Variants in CREB5 observed in about 807,000 individuals in gnomAD.
CREB5 encodes the protein cAMP responsive element binding protein 5, also known as cyclic AMP-responsive element-binding protein 5.
CREB5 carries 19 observed loss-of-function variants against 57.1 expected under a neutral mutation model. That is an observed-to-expected ratio of 0.33 (90% CI 0.23 to 0.49). The LOEUF is 0.49. Ranked by LOEUF, CREB5 falls within the 20% of genes least tolerant of loss-of-function variation. CREB5 has a pLI of 0.99. For missense variants in CREB5, 579 were observed against 671.6 expected (o/e 0.86, Z 1.52); for synonymous variants, 238 against 238.3 (o/e 1.00, Z 0.01).
intron 1 of CREB5, among the ~76,000 whole-genome samples, chr7:28,354,162 G>A (rs959930375): frequency 2.6e-5 from 4 of 152,144 alleles, no homozygotes; most frequent in East Asian, 1.9e-4. Context: ...GAAGGAAGGC[G>A]TGATGGTTAA....
At chr7:28,552,166 A>G (rs216733) in intron 4 of CREB5, among the ~76,000 whole-genome samples, 148,731 of 152,198 alleles carry the variant, frequency 0.98, 72,687 homozygotes, top group East Asian at 1. Flanking sequence ...TCAGCCTCCC[A>G]AGTTGGGATT....
intron 5 of CREB5, among the ~76,000 whole-genome samples, chr7:28,629,530 A>C (rs922618944): frequency 2.0e-5 from 3 of 152,218 alleles, no homozygotes; most frequent in African/African-American, 7.2e-5. Flanking sequence ...TTTGCTTTAA[A>C]AGATAGCAGG....
chr7:28,735,972 T>A (rs1342372597), intron 7 of CREB5, among the ~76,000 whole-genome samples: 1 of 151,770 alleles, frequency 6.6e-6, no homozygotes, highest in Middle Eastern at 3.2e-3. Flanking sequence ...GCCCAGCTAT[T>A]TTTAAATTTT....
intron 1 of CREB5, among the ~76,000 whole-genome samples, chr7:28,458,683 C>T (rs56904099): frequency 7.2e-5 from 11 of 152,342 alleles, no homozygotes; most frequent in African/African-American, 2.6e-4. Context: ...CCATCACACA[C>T]TGATTGTGTG....
chr7:28,790,935 G>T (rs1172562387), intron 7 of CREB5, among the ~76,000 whole-genome samples: 4 of 152,186 alleles, frequency 2.6e-5, no homozygotes, highest in Admixed American at 2.6e-4. Flanking sequence ...CATTTTGTTA[G>T]CCTCTGGTTA....
intron 3 of CREB5, among the ~76,000 whole-genome samples, chr7:28,505,994 G>A (rs1253471814): frequency 1.3e-5 from 2 of 152,100 alleles, no homozygotes; most frequent in Admixed American, 1.3e-4. Context: ...CCGAATTTAC[G>A]AACAGCTGTG....
At chr7:28,472,843 G>A (rs1293978943) in intron 1 of CREB5, among the ~76,000 whole-genome samples, 1 of 152,124 alleles carries the variant, frequency 6.6e-6, no homozygotes, top group African/African-American at 2.4e-5. Flanking sequence ...TTGATTTGAG[G>A]CTTGCCTGCT....
intron 4 of CREB5, among the ~76,000 whole-genome samples, chr7:28,560,871 T>TGCGTGTGTGCGCGTGTGC (rs1795123193): frequency 2.6e-5 from 1 of 38,006 alleles, no homozygotes; most frequent in Non-Finnish European, 5.0e-5. Flanking sequence ...TGTGCCTGCG[T>TGCGTGTGTGCGCGTGTGC]GCGCGTGCGT....
At chr7:28,383,714 A>G (rs866715145) in intron 1 of CREB5, among the ~76,000 whole-genome samples, 1 of 152,092 alleles carries the variant, frequency 6.6e-6, no homozygotes, top group Non-Finnish European at 1.5e-5. Context: ...CCATGACCCA[A>G]TCGCCTCCCA....
chr7:28,468,822 A>G (rs536410811), intron 1 of CREB5, among the ~76,000 whole-genome samples: 2 of 152,344 alleles, frequency 1.3e-5, no homozygotes, highest in Non-Finnish European at 2.9e-5. Context: ...GGTAGTTGTC[A>G]TTATTCTTCT....
At chr7:28,447,939 T>C (rs1789570517) in intron 1 of CREB5, among the ~76,000 whole-genome samples, 1 of 152,242 alleles carries the variant, frequency 6.6e-6, no homozygotes, top group Non-Finnish European at 1.5e-5. Context: ...GTGTATGTGA[T>C]AGTTAATACT....
intron 7 of CREB5, among the ~76,000 whole-genome samples, chr7:28,767,247 GT>G (rs886978598): frequency 2.0e-5 from 3 of 152,082 alleles, no homozygotes; most frequent in African/African-American, 7.2e-5. Flanking sequence ...ATTTATTTTT[GT>G]TTTTTATTTT....
At chr7:28,371,597 C>T (rs958882200) in intron 1 of CREB5, among the ~76,000 whole-genome samples, 1 of 152,156 alleles carries the variant, frequency 6.6e-6, no homozygotes, top group Non-Finnish European at 1.5e-5. Context: ...GGCAGCACCA[C>T]CATGGCCCCA....
At chr7:28,616,375 C>G (rs1042325842) in intron 5 of CREB5, among the ~76,000 whole-genome samples, 2 of 152,122 alleles carry the variant, frequency 1.3e-5, no homozygotes, top group Non-Finnish European at 2.9e-5. Context: ...TGAAGAGAAC[C>G]TTCTCCTCAT....
chr7:28,504,494 A>G (rs1374786448), intron 3 of CREB5, among the ~76,000 whole-genome samples: 2 of 152,218 alleles, frequency 1.3e-5, no homozygotes, highest in Admixed American at 6.5e-5. Flanking sequence ...CTTAAAGCCA[A>G]GACGATTGTT....
intron 1 of CREB5, among the ~76,000 whole-genome samples, chr7:28,299,869 A>T (rs1785069973): frequency 6.6e-6 from 1 of 152,246 alleles, no homozygotes; most frequent in Admixed American, 6.5e-5. Context: ...TTTGATGGAC[A>T]TCAACATGGT....
At position 28,338,491 on chromosome 7, in the gene CREB5, G is replaced by A. The variant is rs929207092; in HGVS notation, c.-25+39050G>A. Among the ~76,000 whole-genome samples the A allele has an allele frequency of 1.1e-4, 17 of 152,288 alleles. 2 individuals are homozygous for A. Among genetic ancestry groups the A allele is most frequent in the African/African-American group, 3.8e-4 (16 of 41,576 alleles). The stretch of plus-strand genomic sequence containing the variant: ...TCCACTGAAAAGTCTGCTGCCAGAT[G>A]TATTGAAGCTCCATTGTATGTTATT... On this transcript the variant is annotated intron_variant, in intron 1 of 9. Coordinates refer to the CREB5 transcript ENST00000396299.
At chr7:28,731,665 T>C (rs1460894604) in intron 7 of CREB5, among the ~76,000 whole-genome samples, 2 of 152,232 alleles carry the variant, frequency 1.3e-5, no homozygotes, top group African/African-American at 4.8e-5. Context: ...TCAAGTTTGA[T>C]GGGGAAAGTC....
rs1262452990 is a variant in CREB5 at position 28,675,400 on chromosome 7, A to G, written c.465-43353A>G. The stretch of plus-strand genomic sequence containing the variant: ...CTTTTGTCCTGGTGTTTCAGAGCCC[A>G]CCTTCAGAACTTATGACTTTGGTTT... On this transcript the variant is annotated intron_variant, in intron 5 of 10. Transcript: ENST00000357727. Among the ~76,000 whole-genome samples the G allele has an allele frequency of 3.3e-5, 5 of 152,206 alleles. No homozygotes were observed. In the East Asian group the frequency reaches 9.7e-4, roughly 29 times the overall value.
Sources: allele counts gnomAD v4.1 joint callset (sites outside exome capture counted in the v4.1 genomes callset), GRCh38; gene constraint gnomAD v4.1.1; transcripts MANE v1.5; gene names NCBI Gene and HGNC (gene_info 2026-07-23, HGNC 2026-07-21).